The following FRMD3 variants were observed in gnomAD, a reference collection of about 807,000 sequenced individuals.
FRMD3 encodes FERM domain-containing protein 3.
Under a neutral mutation model 70.2 loss-of-function variants are expected in FRMD3, and 33 were observed. The observed-to-expected ratio is 0.47, with a 90% CI of 0.36 to 0.63. The LOEUF (loss-of-function observed/expected upper bound fraction) is 0.63. FRMD3 is among the 20% of genes least tolerant of loss of function. The probability of loss-of-function intolerance (pLI) is 0.00; values close to 1 mark genes in which losing one functional copy is unlikely to be tolerated. For synonymous variants in FRMD3, 279 were observed against 255.9 expected (o/e 1.09, Z -0.86); for missense variants, 632 against 711.4 (o/e 0.89, Z 1.27).
intron 2 of FRMD3, among the ~76,000 whole-genome samples, chr9:83,385,813 A>G (rs1391882221): frequency 6.6e-6 from 1 of 151,774 alleles, no homozygotes; most frequent in Non-Finnish European, 1.5e-5. Context: ...TATGTCTTTG[A>G]GTCCATTTTT....
At position 83,357,266 on chromosome 9, in the gene FRMD3, T is replaced by TGGA. The variant is rs1564032787; in HGVS notation, c.296-7510_296-7509insTCC. On this transcript the variant is annotated intron_variant, in intron 3 of 13. Transcript: ENST00000304195. Reference sequence around the variant, plus strand: ...ACATACATATATATATATATATATATATATATATATATATATATATATATA... The same window carrying TGGA: ...ACATACATATATATATATATATATATGGAATATATATATATATATATATATATA... Among the ~76,000 whole-genome samples, 10 of 65,402 alleles carry TGGA rather than the reference T, an allele frequency of 1.5e-4. 1 individual carries two copies. The highest frequency in any genetic ancestry group is 9.1e-4 in the African/African-American group (10 of 11,036). 42.9% of individuals were successfully genotyped at this position (65,402 alleles called of 152,430 possible). A position where few individuals can be genotyped will look rare whatever the true frequency, so the allele number is the denominator to read the frequency against.
At chr9:83,481,819 T>C (rs1415862920) in intron 1 of FRMD3, among the ~76,000 whole-genome samples, 1 of 152,162 alleles carries the variant, frequency 6.6e-6, no homozygotes, top group Non-Finnish European at 1.5e-5. Flanking sequence ...GAGCTCCTCA[T>C]ATGCTAATGT....
intron 10 of FRMD3, among the ~76,000 whole-genome samples, chr9:83,307,524 T>G (rs967038165): frequency 3.9e-5 from 6 of 152,254 alleles, no homozygotes; most frequent in Admixed American, 1.3e-4. Flanking sequence ...ATGGGTGAAC[T>G]TTGGACACAT....
At chr9:83,308,685 C>T (rs546433402) in intron 10 of FRMD3, among the ~76,000 whole-genome samples, 3 of 152,174 alleles carry the variant, frequency 2.0e-5, no homozygotes, top group Admixed American at 1.3e-4. Context: ...CTTTTGAAAC[C>T]TGAGAGCTTT....
At chr9:83,294,097 A>G (rs1168121647) in intron 12 of FRMD3, among the ~76,000 whole-genome samples, 1 of 152,198 alleles carries the variant, frequency 6.6e-6, no homozygotes, top group East Asian at 1.9e-4. Context: ...CTCCAATGTA[A>G]TGGTATTAAG....
chr9:83,271,880 C>T (rs1762919369), intron 13 of FRMD3, among the ~76,000 whole-genome samples: 1 of 152,220 alleles, frequency 6.6e-6, no homozygotes, highest in South Asian at 2.1e-4. Context: ...CACCACTGTT[C>T]TCAGTAGCTC....
intron 1 of FRMD3, among the ~76,000 whole-genome samples, chr9:83,503,795 C>A (rs1306859592): frequency 6.6e-6 from 1 of 152,202 alleles, no homozygotes; most frequent in African/African-American, 2.4e-5. Flanking sequence ...CCAAGTGGGC[C>A]AGATGAGTCC....
At chr9:83,381,428 C>T (rs1446283037) in intron 2 of FRMD3, among the ~76,000 whole-genome samples, 5 of 151,928 alleles carry the variant, frequency 3.3e-5, no homozygotes, top group African/African-American at 7.3e-5. Context: ...TGGTGGCACA[C>T]GCCTGTATTC....
intron 1 of FRMD3, among the ~76,000 whole-genome samples, chr9:83,516,750 A>G (rs1829463482): frequency 6.6e-6 from 1 of 152,250 alleles, no homozygotes. Context: ...AATGAAAAAG[A>G]ATGGAAATCA....
At position 83,348,290 on chromosome 9, in the gene FRMD3, C is replaced by T. The variant is rs1824030735; in HGVS notation, c.374+1389G>A. Among the ~76,000 whole-genome samples the T allele has an allele frequency of 3.9e-5, 6 of 151,984 alleles. No individual in the cohort carries two copies. In the South Asian group the frequency reaches 8.3e-4, roughly 21 times the overall value. The stretch of plus-strand genomic sequence containing the variant: ...TTTGGCAGCTAATTCAGTCACTGCC[C>T]CCTGGGTAGTAACAGCAAGTGAGAA... On this transcript the variant is annotated intron_variant, in intron 4 of 13. Coordinates refer to ENST00000304195, the MANE Select transcript of FRMD3 (RefSeq NM_174938.6).
chr9:83,415,800 T>C (rs1826423690), intron 1 of FRMD3, among the ~76,000 whole-genome samples: 1 of 152,024 alleles, frequency 6.6e-6, no homozygotes, highest in African/African-American at 2.4e-5. Context: ...TAGCCTTTTA[T>C]ATGTAATTTG....
At chr9:83,387,987 C>A (rs1351971019) in intron 2 of FRMD3, among the ~76,000 whole-genome samples, 1 of 152,138 alleles carries the variant, frequency 6.6e-6, no homozygotes. Context: ...CACACACGCC[C>A]ATCCCTGACG....
At chr9:83,442,547 A>G (rs1000134759) in intron 1 of FRMD3, among the ~76,000 whole-genome samples, 1 of 151,950 alleles carries the variant, frequency 6.6e-6, no homozygotes, top group African/African-American at 2.4e-5. Flanking sequence ...TGGAACTTAC[A>G]CAGGAGAAAA....
intron 1 of FRMD3, among the ~76,000 whole-genome samples, chr9:83,417,803 C>A (rs544831968): frequency 2.0e-5 from 3 of 152,092 alleles, no homozygotes; most frequent in Admixed American, 6.6e-5. Context: ...GGGAAGAAGA[C>A]CAAGACATAT....
intron 2 of FRMD3, among the ~76,000 whole-genome samples, chr9:83,377,937 TC>T (rs1322681944): frequency 1.3e-5 from 2 of 152,112 alleles, no homozygotes; most frequent in Non-Finnish European, 2.9e-5. Flanking sequence ...CTGAATGAGT[TC>T]ATACATGATA....
In FRMD3 at chr9:83,454,006, C is replaced by T. The variant is rs143155931; in HGVS notation, c.148-64298G>A. On this transcript the variant is annotated intron_variant, in intron 1 of 13. Coordinates refer to ENST00000304195, the MANE Select transcript of FRMD3 (RefSeq NM_174938.6). ...CTGGGATTACAGGTGTGAGCCACCG[C>T]GCCCAGCTCTTTTAATGTCTTAATG... Among the ~76,000 whole-genome samples, 613 of 152,152 alleles carry T rather than the reference C, an allele frequency of 4.0e-3. 5 individuals carry two copies. Among genetic ancestry groups the T allele is most frequent in the African/African-American group, 0.014 (577 of 41,514 alleles).
At chr9:83,358,732 A>G (rs2131216714) in intron 3 of FRMD3, among the ~76,000 whole-genome samples, 1 of 151,022 alleles carries the variant, frequency 6.6e-6, no homozygotes, top group South Asian at 2.1e-4. Context: ...TGTGAAAGGG[A>G]TTGAGTTCTT....
intron 2 of FRMD3, among the ~76,000 whole-genome samples, chr9:83,381,611 C>G (rs1288490554): frequency 6.6e-6 from 1 of 152,028 alleles, no homozygotes; most frequent in Non-Finnish European, 1.5e-5. Flanking sequence ...GTTTTCCACT[C>G]CTTTAGCCAT....
the FRMD3 span, among the ~76,000 whole-genome samples, chr9:83,570,422 T>G: frequency 6.6e-6 from 1 of 152,304 alleles, no homozygotes; most frequent in Admixed American, 6.5e-5. Context: ...TACTGGCAAT[T>G]TCATGTGATT....
Sources: allele counts gnomAD v4.1 joint callset (sites outside exome capture counted in the v4.1 genomes callset), GRCh38; gene constraint gnomAD v4.1.1; transcripts MANE v1.5; gene names NCBI Gene and HGNC (gene_info 2026-07-23, HGNC 2026-07-21).